Variants in PRDM16 observed in about 807,000 individuals in gnomAD.
PRDM16 encodes the protein PR/SET domain 16, also known as histone-lysine N-methyltransferase PRDM16.
PRDM16 carries 23 observed loss-of-function variants against 110.6 expected under a neutral mutation model. The observed-to-expected ratio is 0.21, with a 90% confidence interval of 0.15 to 0.29. PRDM16 has a LOEUF of 0.29. PRDM16 is among the 10% of genes least tolerant of loss of function. The pLI, the probability that PRDM16 is intolerant of heterozygous loss-of-function variation, is 1.00. For missense variants in PRDM16, 1,615 were observed against 1,794.3 expected (o/e 0.90, Z 1.81); for synonymous variants, 799 against 781.8 (o/e 1.02, Z -0.37).
At position 3,114,313 on chromosome 1, in the gene PRDM16, AC is replaced by A. The variant is rs1557456468; in HGVS notation, c.37+45018del. Among the ~76,000 whole-genome samples the A allele has an allele frequency of 6.0e-5, 8 of 132,624 alleles. No homozygotes were observed. The East Asian group carries it at 1.7e-3, about 29-fold the overall frequency. 87.0% of individuals were successfully genotyped at this position (132,624 alleles called of 152,430 possible). ...TGGAAACGCACACGCACGCACACAC[AC>A]GCACACACGCAGTGTAAACAGACGC... On this transcript the variant is annotated intron_variant, in intron 1 of 16. Transcript: ENST00000270722.
chr1:3,132,128 G>A (rs948224907), intron 1 of PRDM16, among the ~76,000 whole-genome samples: 7 of 152,158 alleles, frequency 4.6e-5, no homozygotes, highest in Non-Finnish European at 5.9e-5. Context: ...AGGTTTAGAC[G>A]TATTTATCTG....
At chr1:3,102,021 T>G (rs527527575) in intron 1 of PRDM16, among the ~76,000 whole-genome samples, 6 of 152,330 alleles carry the variant, frequency 3.9e-5, no homozygotes, top group Admixed American at 3.9e-4. Context: ...GACTCCTTTC[T>G]AACCCCAACC....
intron 1 of PRDM16, among the ~76,000 whole-genome samples, chr1:3,151,787 A>C (rs1388885583): frequency 2.0e-5 from 3 of 152,228 alleles, no homozygotes; most frequent in Non-Finnish European, 4.4e-5. Flanking sequence ...AGAGAGCCCA[A>C]CTGTGGGCCG....
intron 1 of PRDM16, among the ~76,000 whole-genome samples, chr1:3,119,822 C>T (rs1296760953): frequency 6.6e-6 from 1 of 152,196 alleles, no homozygotes; most frequent in Non-Finnish European, 1.5e-5. Context: ...CCTGTCACGC[C>T]GGATTGTCCC....
chr1:3,237,186 C>T (rs1413105431), intron 2 of PRDM16, among the ~76,000 whole-genome samples: 1 of 152,140 alleles, frequency 6.6e-6, no homozygotes, highest in Non-Finnish European at 1.5e-5. Flanking sequence ...TGCCTCCATC[C>T]GAGAGCCCCT....
chr1:3,420,549 A>G (rs939021464), intron 12 of PRDM16, among the ~76,000 whole-genome samples: 1 of 152,180 alleles, frequency 6.6e-6, no homozygotes, highest in Non-Finnish European at 1.5e-5. Context: ...ATGACATTGG[A>G]AGCCTCTTCC....
intron 3 of PRDM16, among the ~76,000 whole-genome samples, chr1:3,325,967 T>TCCTTGGCCATCCTCGACCATCCTTGGC: frequency 7.2e-6 from 1 of 139,050 alleles, no homozygotes; most frequent in African/African-American, 2.6e-5. Flanking sequence ...CGATCCTTGG[T>TCCTTGGCCATCCTCGACCATCCTTGGC]CCTCCTTGGC....
chr1:3,404,292 A>T (rs2100645210), intron 6 of PRDM16, among the ~76,000 whole-genome samples: 1 of 152,180 alleles, frequency 6.6e-6, no homozygotes, highest in Non-Finnish European at 1.5e-5. Context: ...GTGACTCCCG[A>T]CCTGCGTCCT....
At chr1:3,158,871 T>C (rs1643878037) in intron 1 of PRDM16, among the ~76,000 whole-genome samples, 1 of 151,828 alleles carries the variant, frequency 6.6e-6, no homozygotes, top group African/African-American at 2.4e-5. Context: ...CCTCCTGGGT[T>C]CAAGCAATTC....
intron 3 of PRDM16, among the ~76,000 whole-genome samples, chr1:3,316,052 C>T (rs979974294): frequency 7.6e-5 from 11 of 145,384 alleles, no homozygotes; most frequent in Admixed American, 7.2e-4. Flanking sequence ...GCCTTTCTCC[C>T]GGAGTAAATG....
intron 3 of PRDM16, among the ~76,000 whole-genome samples, chr1:3,298,101 A>G (rs1429304539): frequency 6.6e-6 from 1 of 152,254 alleles, no homozygotes; most frequent in Non-Finnish European, 1.5e-5. Flanking sequence ...TGGGCCATGC[A>G]CTAGAGAAGG....
chr1:3,199,333 AAAC>A (rs757641065), intron 2 of PRDM16, among the ~76,000 whole-genome samples: 4 of 152,204 alleles, frequency 2.6e-5, no homozygotes, highest in African/African-American at 9.6e-5. Context: ...CCTTGTGTGA[AAAC>A]AACGAGCCAG....
At chr1:3,268,250 G>C (rs565550922) in intron 3 of PRDM16, among the ~76,000 whole-genome samples, 112 of 152,330 alleles carry the variant, frequency 7.4e-4, no homozygotes, top group African/African-American at 2.6e-3. Context: ...GTTTGTCTCC[G>C]CTAATCCACG....
intron 1 of PRDM16, among the ~76,000 whole-genome samples, chr1:3,086,047 G>A (rs775019618): frequency 2.0e-5 from 3 of 152,220 alleles, no homozygotes; most frequent in Admixed American, 1.3e-4. Flanking sequence ...CTCAGAATGC[G>A]TACACAGCTG....
In PRDM16 at chr1:3,087,578, A is replaced by G. The variant is rs191995683; in HGVS notation, c.37+18282A>G. Among the ~76,000 whole-genome samples, 712 of 152,212 alleles carry G rather than the reference A, an allele frequency of 4.7e-3. 6 individuals are homozygous for G. Among genetic ancestry groups the G allele is most frequent in the Non-Finnish European group, 6.2e-3 (422 of 68,012 alleles). On this transcript the variant is annotated intron_variant, in intron 1 of 16. Coordinates refer to ENST00000270722, the MANE Select transcript of PRDM16 (RefSeq NM_022114.4). ...GTTTTTAGATCATAGGAGGAGATTG[A>G]AACCAACTTTGATTTCCCTATCCGC...
At chr1:3,202,410 G>T (rs1425899343) in intron 2 of PRDM16, among the ~76,000 whole-genome samples, 2 of 152,114 alleles carry the variant, frequency 1.3e-5, no homozygotes, top group Admixed American at 1.3e-4. Flanking sequence ...GCTGCCCTGT[G>T]GGGCCCCTGT....
At chr1:3,241,810 G>A (rs1306059027) in intron 2 of PRDM16, among the ~76,000 whole-genome samples, 1 of 152,234 alleles carries the variant, frequency 6.6e-6, no homozygotes, top group Non-Finnish European at 1.5e-5. Flanking sequence ...CAGGAACGGT[G>A]GGCGCCCAGC....
At chr1:3,362,275 T>C (rs563882497) in intron 3 of PRDM16, among the ~76,000 whole-genome samples, 68 of 152,214 alleles carry the variant, frequency 4.5e-4, no homozygotes, top group Non-Finnish European at 7.8e-4. Flanking sequence ...TGATGGAAAG[T>C]TCTGGAGCCA....
chr1:3,290,345 A>G lies in PRDM16; in HGVS notation c.438+46208A>G, dbSNP rs986144529. Reference sequence around the variant, plus strand: ...CCCTTCCATGCTCAAAATGGCTGGAAGAGGAGAGCCTCTCAGTATCCCCAC... The same window carrying G: ...CCCTTCCATGCTCAAAATGGCTGGAGGAGGAGAGCCTCTCAGTATCCCCAC... On this transcript the variant is annotated intron_variant, in intron 3 of 16. Coordinates refer to ENST00000270722, the MANE Select transcript of PRDM16 (RefSeq NM_022114.4). This position sits in a 1 kb window ranked among gnomAD's most constrained non-coding sequence, Gnocchi z 4.8. Among the ~76,000 whole-genome samples, 3 of 152,200 alleles carry G rather than the reference A, an allele frequency of 2.0e-5. No individual in the cohort carries two copies. The highest frequency in any genetic ancestry group is 4.4e-5 in the Non-Finnish European group (3 of 68,030).
Sources: allele counts gnomAD v4.1 joint callset (sites outside exome capture counted in the v4.1 genomes callset), GRCh38; gene constraint gnomAD v4.1.1; non-coding constraint Gnocchi (gnomAD v3.1); transcripts MANE v1.5; gene names NCBI Gene and HGNC (gene_info 2026-07-23, HGNC 2026-07-21).